HDC: variants seen among roughly 807,000 people sequenced by gnomAD.
HDC encodes histidine decarboxylase.
HDC carries 27 observed loss-of-function variants against 64.4 expected under a neutral mutation model. That is an observed-to-expected ratio of 0.42 (90% CI 0.31 to 0.58). The LOEUF (loss-of-function observed/expected upper bound fraction) is 0.58, where lower values mean the gene tolerates loss of function less well. HDC is among the 20% of genes least tolerant of loss of function. The pLI, the probability that HDC is intolerant of heterozygous loss-of-function variation, is 0.16. For synonymous variants in HDC, 305 were observed against 314.2 expected (o/e 0.97, Z 0.31); for missense variants, 711 against 833.9 (o/e 0.85, Z 1.81).
At chr15:50,263,705 C>G (rs2045734515) in intron 1 of HDC, among the ~76,000 whole-genome samples, 1 of 152,076 alleles carries the variant, frequency 6.6e-6, no homozygotes, top group African/African-American at 2.4e-5. Flanking sequence ...GAGGCTGAGG[C>G]AGGAGAATCG....
chr15:50,255,634 AAAAAAAC>A (rs1194632665), intron 4 of HDC, among the ~76,000 whole-genome samples: 1 of 152,066 alleles, frequency 6.6e-6, no homozygotes, highest in African/African-American at 2.4e-5. Flanking sequence ...TGTCTCTACA[AAAAAAAC>A]AAAAAACAAA....
In HDC at chr15:50,253,623, C is replaced by T. The variant is rs773633332; in HGVS notation, c.764G>A (p.Cys255Tyr). The T allele has an allele frequency of 1.2e-5, 19 of 1,613,888 alleles. No individual in the cohort carries two copies. The South Asian group carries it at 1.8e-4, about 15-fold the overall frequency. Residue 255 changes from cysteine (C) to tyrosine (Y), a missense_variant, in exon 7 of 12, where the codon TGC (cysteine) becomes TAC (tyrosine). This residue lies in a region of HDC where 483 missense variants were observed against 540.9 expected (regional missense o/e 0.89). Coordinates refer to ENST00000267845, the MANE Select transcript of HDC (RefSeq NM_002112.4). ...ACAGATGGGGCCCAGCTCTGACAGG[C>T]AGTCAAATGCACAGACCCCAGTGGT... ...LGTTGVCAFD[C>Y]LSELGPICAR... is the part of the protein sequence containing the mutation.
At position 50,254,252 on chromosome 15, in the gene HDC, C is replaced by G. The variant is rs369160695; in HGVS notation, c.598G>C (p.Ala200Pro). ...ATCTTCACAAGGGAAATCAAACCAG[C>G]CTTTTCCACAGAGGAGTGAGCCTAG... ...SDQAHSSVEK[A>P]GLISLVKMKF... The change falls in exon 6 of 12, where the codon GCT becomes CCT. Residue 200 changes from alanine to proline, a missense_variant. Physicochemically the swap from Ala to Pro is conservative, Grantham distance 27. This residue lies in a region of HDC where 225 missense variants were observed against 276.2 expected (regional missense o/e 0.81). Coordinates refer to ENST00000267845, the MANE Select transcript of HDC (RefSeq NM_002112.4). 6 of 1,614,032 alleles carry G rather than the reference C, an allele frequency of 3.7e-6. No individual in the cohort carries two copies. The highest frequency in any genetic ancestry group is 5.1e-6 in the Non-Finnish European group (6 of 1,180,042).
intron 10 of HDC, chr15:50,244,995 T>C (rs868362531): frequency 1.3e-5 from 2 of 152,172 alleles, no homozygotes; most frequent in African/African-American, 4.8e-5. Context: ...CAAGTGACAG[T>C]AGGTAGATCT....
rs770521044 is a variant in HDC, at chr15:50,242,792, C to T, written c.1457G>A (p.Arg486Gln). The change falls in exon 12 of 12, where the codon CGG becomes CAG. Residue 486 changes from arginine (R) to glutamine (Q), a missense_variant. Coordinates refer to ENST00000267845, the MANE Select transcript of HDC (RefSeq NM_002112.4). ...GATTTGGGAGATGAGGTTCCCAACC[C>T]GAGGGCTGGGTTGGGAAGTACAGTG... The part of the protein sequence containing the change: ...SQHCTSQPSP[R>Q]VGNLISQIRG... The T allele has an allele frequency of 7.4e-6, 12 of 1,613,832 alleles. No homozygotes were observed. The highest frequency in any genetic ancestry group is 4.4e-5 in the South Asian group (4 of 91,074).
intron 10 of HDC, among the ~76,000 whole-genome samples, chr15:50,243,462 CG>C (rs2045431202): frequency 6.6e-6 from 1 of 152,226 alleles, no homozygotes; most frequent in Non-Finnish European, 1.5e-5. Flanking sequence ...GGATCCACCT[CG>C]AGAACTCATC....
chr15:50,265,551 G>A (rs775897903), intron 1 of HDC, 42 bp downstream of exon 1: 34 of 1,582,798 alleles, frequency 2.1e-5, no homozygotes, highest in Admixed American at 8.3e-5. Context: ...GTTCCTGCAG[G>A]AGTAGCAGCA....
chr15:50,263,517 T>A, intron 1 of HDC, 110 bp from the exon 2 acceptor site: 5 of 1,042,312 alleles, frequency 4.8e-6, no homozygotes, highest in Non-Finnish European at 5.8e-6. Flanking sequence ...AGGAGATGGA[T>A]TTGGCCGGGC....
intron 9 of HDC, among the ~76,000 whole-genome samples, chr15:50,250,237 C>T (rs1415990881): frequency 6.6e-6 from 1 of 152,198 alleles, no homozygotes; most frequent in African/African-American, 2.4e-5. Flanking sequence ...AGCTTCTGTT[C>T]AAAGCTGCAG....
intron 9 of HDC, among the ~76,000 whole-genome samples, chr15:50,250,563 G>C (rs1414739352): frequency 6.6e-6 from 1 of 152,078 alleles, no homozygotes; most frequent in Non-Finnish European, 1.5e-5. Flanking sequence ...GAGGCACTGT[G>C]GTAAATGAAT....
rs1420516350 is a variant in HDC, at chr15:50,252,738, G to A, written c.824C>T (p.Ala275Val). Residue 275 changes from alanine (A) to valine (V), a missense_variant, in exon 8 of 12, where the codon GCT becomes GTT. Coordinates refer to ENST00000267845, the MANE Select transcript of HDC (RefSeq NM_002112.4). ...GCACAGGAAGGCAGTGCCTGCATAA[G>A]CAGCATCGATGTGGAGCCACAGCCC... ...REGLWLHIDA[A>V]YAGTAFLCPE... 6.2e-7 allele frequency: 1 copy of A among 1,614,038 alleles called. No homozygotes were observed. The highest frequency in any genetic ancestry group is 1.7e-5 in the Admixed American group (1 of 60,004).
chr15:50,260,762 T>C (rs1435610912), intron 2 of HDC, among the ~76,000 whole-genome samples: 2 of 152,102 alleles, frequency 1.3e-5, no homozygotes, highest in East Asian at 1.9e-4. Flanking sequence ...ACATACCCCA[T>C]AGGGACAGGT....
intron 4 of HDC, 68 bp from the exon 5 acceptor site, chr15:50,254,732 A>G: frequency 7.1e-7 from 1 of 1,406,230 alleles, no homozygotes; most frequent in East Asian, 2.4e-5. Flanking sequence ...CAGGCTTTCT[A>G]GTTTTTTCTC....
Position 50,254,671 on chromosome 15 carries a change from G to C in HDC, c.442-7C>G. ...TGGATTCACTGACCGTGCTCTGCAG[G>C]GGAAAAGGATTATCATGGCAGCCTT... On this transcript the variant is annotated splice_polypyrimidine_tract_variant and splice_region_variant and intron_variant, in intron 4 of 11. Coordinates refer to ENST00000267845, the MANE Select transcript of HDC (RefSeq NM_002112.4). 6.2e-7 allele frequency: 1 copy of C among 1,613,824 alleles called. No individual in the cohort carries two copies.
At chr15:50,257,736 G>T (rs998889564) in intron 3 of HDC, among the ~76,000 whole-genome samples, 189 bp from the exon 4 acceptor site, 2 of 152,154 alleles carry the variant, frequency 1.3e-5, no homozygotes, top group African/African-American at 4.8e-5. Flanking sequence ...GTGGGGTTTT[G>T]GATTCATGCT....
chr15:50,256,184 G>A (rs544484794), intron 4 of HDC, among the ~76,000 whole-genome samples: 4 of 152,296 alleles, frequency 2.6e-5, no homozygotes, highest in South Asian at 2.1e-4. Context: ...ATCATGTACC[G>A]CAGACATTTA....
intron 2 of HDC, among the ~76,000 whole-genome samples, chr15:50,262,484 G>T (rs1279684139): frequency 6.6e-6 from 1 of 152,204 alleles, no homozygotes; most frequent in South Asian, 2.1e-4. Flanking sequence ...CACCATGGCA[G>T]AGCTCCTCAC....
At position 50,254,659 on chromosome 15, in the gene HDC, C is replaced by T. The variant is rs200120421; in HGVS notation, c.447G>A (p.Thr149=). ...SSQGGGVLQS[T]VSESTLIALL... Reference sequence around the variant, plus strand: ...GGGCAATCAAAGTGGATTCACTGACCGTGCTCTGCAGGGGAAAAGGATTAT... The same window carrying T: ...GGGCAATCAAAGTGGATTCACTGACTGTGCTCTGCAGGGGAAAAGGATTAT... The change falls in exon 5 of 12, where the codon ACG becomes ACA. Residue 149 remains threonine (T), a synonymous_variant. Transcript: ENST00000267845. The T allele has an allele frequency of 1.3e-4, 211 of 1,613,862 alleles. 1 individual carries two copies. Among genetic ancestry groups the T allele is most frequent in the East Asian group, 1.1e-4 (5 of 44,864 alleles).
chr15:50,251,250 A>C (rs983700687), intron 9 of HDC, among the ~76,000 whole-genome samples: 2 of 152,224 alleles, frequency 1.3e-5, no homozygotes, highest in African/African-American at 4.8e-5. Flanking sequence ...TAGCACCTAC[A>C]TGCCTAACCA....
Sources: gnomAD v4.1 joint callset for allele counts (sites outside exome capture counted in the v4.1 genomes callset) on GRCh38, gnomAD v4.1.1 for gene constraint, gnomAD v4.1.1 regional missense constraint, MANE v1.5 for transcripts, NCBI Gene and HGNC (gene_info 2026-07-23, HGNC 2026-07-21) for gene names.